Variants in TEX11 observed in about 807,000 individuals in gnomAD.
TEX11 encodes the protein testis expressed 11.
A neutral mutation model predicts 84.4 loss-of-function variants in TEX11; 7 were observed. The observed-to-expected ratio is 0.08, with a 90% CI of 0.05 to 0.16. TEX11 has a LOEUF of 0.16. TEX11 is among the 10% of genes least tolerant of loss of function. The pLI, the probability that TEX11 is intolerant of heterozygous loss-of-function variation, is 1.00. For missense variants in TEX11, 551 were observed against 660.5 expected, an observed-to-expected ratio of 0.83 and a Z score of 1.82; for synonymous variants, 264 against 222.8, an observed-to-expected ratio of 1.18 and a Z score of -1.64.
rs2087953688 is a variant in TEX11, at chrX:70,536,054, A to T, written c.2521-6055T>A. Among the ~76,000 whole-genome samples, 3 of 110,959 alleles carry T rather than the reference A, an allele frequency of 2.7e-5. No homozygotes were observed. The Admixed American group carries it at 2.9e-4, about 11-fold the overall frequency. ...TTTTCCTAATGCTTTTATAGCTTTG[A>T]TTTTATGTTTAGCTCTTTAATCTAT... On this transcript the variant is annotated intron_variant, in intron 28 of 29. Transcript: ENST00000374333.
At chrX:70,539,597 A>G (rs1326006946) in intron 28 of TEX11, among the ~76,000 whole-genome samples, 1 of 111,424 alleles carries the variant, frequency 9.0e-6, no homozygotes, top group Non-Finnish European at 1.9e-5. Flanking sequence ...CTTTAAGTGT[A>G]GGTTTCCCCC....
chrX:70,734,313 A>G (rs2090679210), intron 11 of TEX11, among the ~76,000 whole-genome samples: 1 of 111,077 alleles, frequency 9.0e-6, no homozygotes, highest in Non-Finnish European at 1.9e-5. Flanking sequence ...TTTAAAAAAA[A>G]AGAAAAAAAA....
intron 25 of TEX11, among the ~76,000 whole-genome samples, chrX:70,578,764 CTTT>C (rs869110075): frequency 5.6e-4 from 28 of 50,161 alleles, no homozygotes; most frequent in African/African-American, 2.2e-3. Flanking sequence ...AGTTGAACTT[CTTT>C]TTTTTTTTTT....
chrX:70,720,446 C>T (rs1264085097), intron 13 of TEX11, among the ~76,000 whole-genome samples: 1 of 109,391 alleles, frequency 9.1e-6, no homozygotes, highest in Non-Finnish European at 1.9e-5. Context: ...TGCAGCACAC[C>T]AACATGGCAC....
intron 16 of TEX11, among the ~76,000 whole-genome samples, chrX:70,661,858 C>A (rs750185678): frequency 5.4e-5 from 6 of 111,916 alleles, no homozygotes; most frequent in Non-Finnish European, 9.4e-5. Context: ...CACACCAAAA[C>A]CTCATCTGTA....
intron 4 of TEX11, among the ~76,000 whole-genome samples, chrX:70,868,024 A>G (rs941886326): frequency 2.7e-5 from 3 of 111,976 alleles, no homozygotes; most frequent in Admixed American, 9.5e-5. Context: ...AAATTGAAAA[A>G]TGGGATCTAA....
chrX:70,687,545 T>A (rs2090199315), intron 13 of TEX11, among the ~76,000 whole-genome samples: 1 of 111,551 alleles, frequency 9.0e-6, no homozygotes, highest in Non-Finnish European at 1.9e-5. Flanking sequence ...AATAAATTTC[T>A]GTTGTTTTAA....
intron 15 of TEX11, among the ~76,000 whole-genome samples, chrX:70,677,787 A>ACTTT (rs1205432541): frequency 1.0e-5 from 1 of 95,399 alleles, no homozygotes; most frequent in Admixed American, 1.2e-4. Flanking sequence ...TGTAATGCTC[A>ACTTT]CTTTCTTTCT....
intron 13 of TEX11, among the ~76,000 whole-genome samples, chrX:70,712,465 T>C (rs1454197771): frequency 1.8e-5 from 2 of 111,591 alleles, no homozygotes; most frequent in African/African-American, 6.5e-5. Context: ...TTTTATTTCA[T>C]TGAGCAGTGG....
intron 9 of TEX11, among the ~76,000 whole-genome samples, chrX:70,765,111 T>C (rs1602109251): frequency 1.8e-5 from 2 of 110,831 alleles, no homozygotes; most frequent in African/African-American, 6.6e-5. Flanking sequence ...TATGGCCGAG[T>C]GCGGTGGCTC....
At chrX:70,724,949 ATCTT>A (rs761111893) in intron 12 of TEX11, among the ~76,000 whole-genome samples, 18 of 110,752 alleles carry the variant, frequency 1.6e-4, no homozygotes, top group Non-Finnish European at 2.8e-4. Context: ...TTAATAGGTA[ATCTT>A]TCTTTCTTCA....
the TEX11 span, among the ~76,000 whole-genome samples, chrX:70,517,197 G>A: frequency 1.8e-5 from 2 of 111,646 alleles, no homozygotes; most frequent in Non-Finnish European, 3.8e-5. Flanking sequence ...TTTGTCTGGT[G>A]CAGGTTTTCA....
chrX:70,749,996 T>G (rs1433667712), intron 9 of TEX11, among the ~76,000 whole-genome samples: 1 of 110,469 alleles, frequency 9.1e-6, no homozygotes, highest in Non-Finnish European at 1.9e-5. Flanking sequence ...ACCTACAAAA[T>G]GGGAGAAAAT....
the TEX11 span, among the ~76,000 whole-genome samples, chrX:70,517,795 C>T: frequency 3.6e-5 from 4 of 111,427 alleles, no homozygotes; most frequent in African/African-American, 9.8e-5. Flanking sequence ...GCCTCAATTT[C>T]AGAGCCTGTT....
intron 13 of TEX11, among the ~76,000 whole-genome samples, chrX:70,696,944 C>T (rs1296197384): frequency 9.0e-6 from 1 of 111,566 alleles, no homozygotes; most frequent in Non-Finnish European, 1.9e-5. Context: ...CATTTCTAGG[C>T]TCATTCAGGC....
chrX:70,671,127 T>C (rs2090018555), intron 15 of TEX11, among the ~76,000 whole-genome samples: 1 of 111,775 alleles, frequency 8.9e-6, no homozygotes, highest in African/African-American at 3.2e-5. Flanking sequence ...TTGTAATTGA[T>C]GCTGCTGTAT....
At chrX:70,877,586 C>T (rs2091662236) in intron 3 of TEX11, among the ~76,000 whole-genome samples, 1 of 111,739 alleles carries the variant, frequency 8.9e-6, no homozygotes, top group African/African-American at 3.3e-5. Flanking sequence ...TACCAATGCT[C>T]ATAGCAACAT....
intron 13 of TEX11, among the ~76,000 whole-genome samples, chrX:70,687,444 A>G (rs2090198400): frequency 9.2e-6 from 1 of 109,147 alleles, no homozygotes; most frequent in Admixed American, 9.9e-5. Context: ...ATACATTTCA[A>G]TTGATTAAAA....
At chrX:70,624,733 T>C (rs947857424) in intron 19 of TEX11, 106 bp downstream of exon 19, 5 of 574,960 alleles carry the variant, frequency 8.7e-6, no homozygotes, top group Admixed American at 4.0e-5. Flanking sequence ...TTCGCTATTT[T>C]ATGTAAGTTT....
Sources: gnomAD v4.1 joint callset for allele counts (sites outside exome capture counted in the v4.1 genomes callset) on GRCh38, gnomAD v4.1.1 for gene constraint, MANE v1.5 for transcripts, NCBI Gene and HGNC (gene_info 2026-07-23, HGNC 2026-07-21) for gene names.